MTO1: variants seen among roughly 807,000 people sequenced by gnomAD.
MTO1 encodes 5-taurinomethyluridine-[tRNA] synthase subunit MTO1, mitochondrial.
MTO1 carries 46 observed loss-of-function variants against 71.6 expected under a neutral mutation model. That is an observed-to-expected ratio of 0.64 (90% CI 0.51 to 0.82). The LOEUF (loss-of-function observed/expected upper bound fraction) is 0.82. MTO1 is among the 40% of genes least tolerant of loss of function. The pLI is 0.00. For missense variants in MTO1, 773 were observed against 867.5 expected (o/e 0.89, Z 1.37); for synonymous variants, 297 against 312.1 (o/e 0.95, Z 0.51).
At chr6:73,485,374 A>G (rs1771620985) in intron 9 of MTO1, among the ~76,000 whole-genome samples, 1 of 152,026 alleles carries the variant, frequency 6.6e-6, no homozygotes, top group East Asian at 1.9e-4. Flanking sequence ...ATTTCCCTTC[A>G]GGAGGAATCA....
chr6:73,470,180 T>TTTTA (rs933816885), intron 3 of MTO1, among the ~76,000 whole-genome samples: 4 of 151,654 alleles, frequency 2.6e-5, no homozygotes, highest in African/African-American at 9.7e-5. Flanking sequence ...TTTTATTTTA[T>TTTTA]TTTATTTATT....
chr6:73,482,929 C>G (rs1408459637), intron 9 of MTO1, among the ~76,000 whole-genome samples: 1 of 151,034 alleles, frequency 6.6e-6, no homozygotes, highest in African/African-American at 2.4e-5. Flanking sequence ...GTAGCTGGGA[C>G]TACAGGCGCC....
chr6:73,493,088 G>A lies in MTO1; in HGVS notation c.1756+736G>A, dbSNP rs1246198680. Among the ~76,000 whole-genome samples the A allele has an allele frequency of 3.4e-5, 5 of 147,576 alleles. No homozygotes were observed. The South Asian group carries it at 6.5e-4, about 19-fold the overall frequency. The stretch of plus-strand genomic sequence containing the variant: ...CGGTTCACTGCAACCTCTCCCTCCC[G>A]GGTTCAAGTGATTCTCCTGCCTCAG... On this transcript the variant is annotated intron_variant, in intron 10 of 11. Transcript: ENST00000498286.
At chr6:73,493,824 C>T (rs6908789) in intron 10 of MTO1, among the ~76,000 whole-genome samples, 29,174 of 152,074 alleles carry the variant, frequency 0.19, 2,879 homozygotes, top group Middle Eastern at 0.23. Flanking sequence ...CTACCATTGA[C>T]AAATACTTAC....
At chr6:73,500,469 A>G in intron 11 of MTO1, 105 bp from the exon 12 acceptor site, 1 of 874,388 alleles carries the variant, frequency 1.1e-6, no homozygotes, top group Middle Eastern at 2.6e-4. Flanking sequence ...AATAATTAAG[A>G]AAATATTGTA....
intron 1 of MTO1, 57 bp downstream of exon 1, chr6:73,462,128 C>T: frequency 6.4e-7 from 1 of 1,567,068 alleles, no homozygotes; most frequent in South Asian, 1.1e-5. Context: ...TTCCTTCCCG[C>T]CTCCCCCGGT....
intron 11 of MTO1, among the ~76,000 whole-genome samples, chr6:73,499,338 G>A (rs187780015): frequency 6.6e-6 from 1 of 151,784 alleles, no homozygotes; most frequent in East Asian, 1.9e-4. Context: ...ATAGCCACTC[G>A]CCAATTGTGG....
chr6:73,469,368 TA>T (rs1056940800), intron 3 of MTO1, among the ~76,000 whole-genome samples: 1 of 151,320 alleles, frequency 6.6e-6, no homozygotes, highest in Non-Finnish European at 1.5e-5. Flanking sequence ...CTCACGCCTG[TA>T]ATCCCAGCAC....
chr6:73,494,473 T>C (rs1771925218), intron 10 of MTO1, among the ~76,000 whole-genome samples: 1 of 147,022 alleles, frequency 6.8e-6, no homozygotes, highest in South Asian at 2.1e-4. Flanking sequence ...CATTTTCTTT[T>C]TTTTTCTTTT....
rs374332084 is a variant in MTO1 at position 73,461,866 on chromosome 6, C to A, written c.12C>A (p.Phe4Leu). MFY[F>L]RGCGRWVAVS... ...ATTTTTCTCCCAGCATGTTCTACTT[C>A]CGAGGCTGTGGCCGTTGGGTCGCGG... The change falls in exon 1 of 12, where the codon TTC (phenylalanine) becomes TTA (leucine). Residue 4 changes from phenylalanine to leucine, a missense_variant. Coordinates refer to ENST00000498286, the MANE Select transcript of MTO1 (RefSeq NM_012123.4). 1 of 1,613,480 alleles carries A rather than the reference C, an allele frequency of 6.2e-7. No homozygotes were observed. Among genetic ancestry groups the A allele is most frequent in the Non-Finnish European group, 8.5e-7 (1 of 1,179,378 alleles).
chr6:73,469,094 C>T (rs1160993599), intron 3 of MTO1, among the ~76,000 whole-genome samples: 1 of 152,078 alleles, frequency 6.6e-6, no homozygotes, highest in Non-Finnish European at 1.5e-5. Context: ...CTGTAGCCTC[C>T]ACCTCCCAGA....
rs992287200 is a variant in MTO1 at position 73,507,784 on chromosome 6, T to C, written c.*7049T>C. 3.3e-5 allele frequency: 5 copies of C among 152,204 alleles called. No homozygotes were observed. The highest frequency in any genetic ancestry group is 4.8e-5 in the African/African-American group (2 of 41,448). 9.4% of individuals were successfully genotyped at this position (152,204 alleles called of 1,614,324 possible). On this transcript the variant is annotated 3_prime_UTR_variant, in exon 12 of 12. Coordinates refer to ENST00000498286, the MANE Select transcript of MTO1 (RefSeq NM_012123.4). ...CGAGGTCAGGAAATAGAGACCATCC[T>C]GGCTAACATGGTGAAACCCCGTGTC...
At chr6:73,466,131 T>C (rs1211482516) in intron 1 of MTO1, 78 bp from the exon 2 acceptor site, 2 of 1,219,432 alleles carry the variant, frequency 1.6e-6, no homozygotes, top group Non-Finnish European at 1.2e-6. Flanking sequence ...TAGTCACCTG[T>C]ATAAATGTTT....
At position 73,507,304 on chromosome 6, in the gene MTO1, T is replaced by C. The variant is rs1772316146; in HGVS notation, c.*6569T>C. The C allele has an allele frequency of 6.6e-6, 1 of 152,170 alleles. No homozygotes were observed. The highest frequency in any genetic ancestry group is 1.5e-5 in the Non-Finnish European group (1 of 68,050). 9.4% of individuals were successfully genotyped at this position (152,170 alleles called of 1,614,324 possible). ...CTGATTATACCACTGTACTCCAGCCTAGGCAACAGAGCAAGACCCAGTCTC... is the reference window on the plus strand; with the variant it reads ...CTGATTATACCACTGTACTCCAGCCCAGGCAACAGAGCAAGACCCAGTCTC... On this transcript the variant is annotated 3_prime_UTR_variant, in exon 12 of 12. Coordinates refer to ENST00000498286, the MANE Select transcript of MTO1 (RefSeq NM_012123.4).
Position 73,482,131 on chromosome 6 carries a change from T to C in MTO1, c.1352T>C (p.Ile451Thr). 1 of 1,614,172 alleles carries C rather than the reference T, an allele frequency of 6.2e-7. No individual in the cohort carries two copies. ...ACAGAAGGTTACATAGGAGTCTTGATTGATGACCTCACTACTCTGGGCACC... is the reference window on the plus strand; with the variant it reads ...ACAGAAGGTTACATAGGAGTCTTGACTGATGACCTCACTACTCTGGGCACC... ...SRTEGYIGVLIDDLTTLGTSE... is the reference protein window; with the variant it reads ...SRTEGYIGVLTDDLTTLGTSE... The change falls in exon 8 of 12, where the codon ATT (isoleucine) becomes ACT (threonine). Residue 451 changes from isoleucine (I) to threonine (T), a missense_variant. Transcript: ENST00000498286.
At chr6:73,468,850 C>A (rs756179139) in intron 3 of MTO1, among the ~76,000 whole-genome samples, 11 of 152,076 alleles carry the variant, frequency 7.2e-5, no homozygotes, top group Non-Finnish European at 1.5e-4. Context: ...TCAAGTGATC[C>A]GCCTACCTCC....
At chr6:73,471,669 C>G in intron 3 of MTO1, 1 of 196,818 alleles carries the variant, frequency 5.1e-6, no homozygotes, top group Non-Finnish European at 1.1e-5. Context: ...CTTCCTGCCC[C>G]AGTCTCTCAA....
intron 4 of MTO1, among the ~76,000 whole-genome samples, chr6:73,476,581 A>G (rs1006431746): frequency 1.1e-4 from 17 of 152,090 alleles, no homozygotes; most frequent in Admixed American, 9.2e-4. Flanking sequence ...CGCTATAGAT[A>G]TATCAATTTA....
chr6:73,499,513 C>A (rs1772094615), intron 11 of MTO1, among the ~76,000 whole-genome samples: 1 of 146,214 alleles, frequency 6.8e-6, no homozygotes, highest in Non-Finnish European at 1.5e-5. Flanking sequence ...CAGAGTGAAA[C>A]CCTGTCTCAA....
Sources: gnomAD v4.1 joint callset for allele counts (sites outside exome capture counted in the v4.1 genomes callset) on GRCh38, gnomAD v4.1.1 for gene constraint, MANE v1.5 for transcripts, NCBI Gene and HGNC (gene_info 2026-07-23, HGNC 2026-07-21) for gene names.